The following SLC36A2 variants were observed in gnomAD, a reference collection of about 807,000 sequenced individuals.
The protein encoded by SLC36A2 is solute carrier family 36 member 2.
In SLC36A2, 39 loss-of-function variants were observed where a neutral mutation model predicts 42.7. The ratio of observed to expected loss-of-function variants is 0.91; its 90% CI spans 0.71 to 1.19. SLC36A2 has a LOEUF of 1.19. Ranked by LOEUF, SLC36A2 falls within the 50% of genes most tolerant of loss-of-function variation. The pLI is 0.00. For missense variants in SLC36A2, 590 were observed against 613.7 expected (o/e 0.96, Z 0.41); for synonymous variants, 237 against 240.8 (o/e 0.98, Z 0.15).
At chr5:151,319,830 G>A (rs1437144164) in intron 9 of SLC36A2, 4 of 152,448 alleles carry the variant, frequency 2.6e-5, no homozygotes, top group African/African-American at 9.7e-5. Flanking sequence ...CATTTTAGAT[G>A]CCCTCGAGGA....
intron 4 of SLC36A2, among the ~76,000 whole-genome samples, chr5:151,340,558 G>T (rs1271643314): frequency 1.3e-5 from 2 of 152,230 alleles, no homozygotes; most frequent in African/African-American, 4.8e-5. Flanking sequence ...AAACAAAAAA[G>T]CTTACAACAA....
intron 1 of SLC36A2, among the ~76,000 whole-genome samples, chr5:151,346,983 C>T (rs1227579683): frequency 6.6e-6 from 1 of 152,140 alleles, no homozygotes; most frequent in African/African-American, 2.4e-5. Flanking sequence ...TGGCCAGGAA[C>T]AAAAATGTGG....
chr5:151,324,243 A>T (rs986640412), intron 8 of SLC36A2, among the ~76,000 whole-genome samples: 5 of 152,096 alleles, frequency 3.3e-5, no homozygotes, highest in African/African-American at 1.2e-4. Flanking sequence ...CCCAGGTTCA[A>T]GTGATTCTCC....
At chr5:151,324,876 C>T (rs79212766) in intron 8 of SLC36A2, among the ~76,000 whole-genome samples, 7,410 of 152,144 alleles carry the variant, frequency 0.049, 590 homozygotes, top group African/African-American at 0.17. Context: ...TTTTGTTTTC[C>T]ACTTTTCTAT....
intron 9 of SLC36A2, among the ~76,000 whole-genome samples, chr5:151,321,447 GT>G (rs1466771874): frequency 4.6e-5 from 7 of 150,882 alleles, no homozygotes; most frequent in Non-Finnish European, 1.0e-4. Flanking sequence ...ACCTCTCAAA[GT>G]GCTGGGATCA....
At chr5:151,327,988 A>G (rs183597739) in intron 7 of SLC36A2, among the ~76,000 whole-genome samples, 221 of 152,376 alleles carry the variant, frequency 1.5e-3, no homozygotes, top group Non-Finnish European at 2.5e-3. Context: ...AATACTAAGA[A>G]TCACAAGCAC....
chr5:151,324,620 T>TC (rs1385872404), intron 8 of SLC36A2, among the ~76,000 whole-genome samples: 1 of 151,922 alleles, frequency 6.6e-6, no homozygotes, highest in East Asian at 1.9e-4. Flanking sequence ...GCATGAGCCA[T>TC]CACGCCTGGC....
At chr5:151,317,481 A>C (rs903426650) in intron 9 of SLC36A2, among the ~76,000 whole-genome samples, 9 of 151,932 alleles carry the variant, frequency 5.9e-5, no homozygotes, top group Non-Finnish European at 1.0e-4. Context: ...TCCTCTTCTT[A>C]AAAAATGAAC....
chr5:151,339,958 T>C (rs76386969), intron 4 of SLC36A2, among the ~76,000 whole-genome samples: 6,296 of 152,120 alleles, frequency 0.041, 445 homozygotes, highest in African/African-American at 0.14. Flanking sequence ...ATCTAAATTA[T>C]GGGCAGACAG....
At position 151,325,270 on chromosome 5, in the gene SLC36A2, C is replaced by A. The variant is rs1561652942; in HGVS notation, c.1010+16G>T. On this transcript the variant is annotated intron_variant, in intron 8 of 9. Coordinates refer to ENST00000335244, the MANE Select transcript of SLC36A2 (RefSeq NM_181776.3). ...CCATTCCTGAGTCCCCACCACCTGA[C>A]AGCCCATGAAGATACCAGCAGTTAG... 1.2e-6 allele frequency: 2 copies of A among 1,611,932 alleles called. No homozygotes were observed. The highest frequency in any genetic ancestry group is 1.1e-5 in the South Asian group (1 of 90,564).
Position 151,316,998 on chromosome 5 carries a change from G to C in SLC36A2, c.1271C>G (p.Pro424Arg), listed in dbSNP as rs370237268. 223 of 1,614,064 alleles carry C rather than the reference G, an allele frequency of 1.4e-4. 2 individuals carry two copies. The South Asian group carries it at 2.3e-3, about 17-fold the overall frequency. The change falls in exon 10 of 10, where the codon CCG becomes CGG. Residue 424 changes from proline (P) to arginine (R), a missense_variant. Transcript: ENST00000335244. ...SGTALALIIP[P>R]LLEVTTFYSE... Reference sequence around the variant, plus strand: ...GTAGAACGTGGTGACCTCCAGGAGCGGTGGGATGATGAGGGCCAGGGCGGT... The same window carrying C: ...GTAGAACGTGGTGACCTCCAGGAGCCGTGGGATGATGAGGGCCAGGGCGGT...
At chr5:151,324,619 A>G (rs1307314892) in intron 8 of SLC36A2, among the ~76,000 whole-genome samples, 1 of 152,108 alleles carries the variant, frequency 6.6e-6, no homozygotes, top group East Asian at 1.9e-4. Flanking sequence ...GGCATGAGCC[A>G]TCACGCCTGG....
rs180738072 is a variant in SLC36A2 at position 151,316,684 on chromosome 5, G to A, written c.*133C>T. ...GAACCCAGGAGGCCGAAGTTGTGGT[G>A]AGCTGAGATCGCATCATTGTACTCC... On this transcript the variant is annotated 3_prime_UTR_variant, in exon 10 of 10. Transcript: ENST00000335244. The A allele has an allele frequency of 2.8e-3, 3,189 of 1,156,712 alleles. 15 individuals are homozygous for A. Among genetic ancestry groups the A allele is most frequent in the Non-Finnish European group, 3.5e-3 (2,952 of 840,120 alleles). 71.7% of individuals were successfully genotyped at this position (1,156,712 alleles called of 1,614,324 possible).
intron 1 of SLC36A2, among the ~76,000 whole-genome samples, chr5:151,347,085 C>CT (rs1269848978): frequency 6.6e-6 from 1 of 152,196 alleles, no homozygotes; most frequent in Non-Finnish European, 1.5e-5. Context: ...CCACCTGTGC[C>CT]TTTTGGGATC....
chr5:151,336,222 A>C (rs1383481587), intron 5 of SLC36A2, among the ~76,000 whole-genome samples: 1 of 152,146 alleles, frequency 6.6e-6, no homozygotes, highest in Non-Finnish European at 1.5e-5. Flanking sequence ...CCTTTGACTC[A>C]AGCTGGGGCA....
chr5:151,320,932 A>C (rs1050852225), intron 9 of SLC36A2, among the ~76,000 whole-genome samples: 3 of 152,158 alleles, frequency 2.0e-5, no homozygotes, highest in Non-Finnish European at 2.9e-5. Context: ...GACTTACATG[A>C]CTTGAATTCA....
intron 5 of SLC36A2, among the ~76,000 whole-genome samples, chr5:151,336,994 T>C (rs1756177980): frequency 6.6e-6 from 1 of 152,216 alleles, no homozygotes; most frequent in South Asian, 2.1e-4. Context: ...TAGCATTCAC[T>C]CTTTTCTTTT....
At chr5:151,343,129 G>A in intron 3 of SLC36A2, 146 bp from the exon 4 acceptor site, 1 of 724,010 alleles carries the variant, frequency 1.4e-6, no homozygotes, top group Admixed American at 2.0e-5. Context: ...TTGACACTCA[G>A]CAGTAATTCC....
rs1483570301 is a variant in SLC36A2, at chr5:151,316,967, C to T, written c.1302G>A (p.Glu434=). Residue 434 remains glutamate (E), a synonymous_variant, in exon 10 of 10, where the codon GAG becomes GAA. Coordinates refer to ENST00000335244, the MANE Select transcript of SLC36A2 (RefSeq NM_181776.3). ...TGAAGATGGTGAGGGGGCTCATGCCCTCTGAGTAGAACGTGGTGACCTCCA... is the reference window on the plus strand; with the variant it reads ...TGAAGATGGTGAGGGGGCTCATGCCTTCTGAGTAGAACGTGGTGACCTCCA... ...PLLEVTTFYS[E]GMSPLTIFKD... 2 of 1,613,862 alleles carry T rather than the reference C, an allele frequency of 1.2e-6. No individual in the cohort carries two copies. Among genetic ancestry groups the T allele is most frequent in the Non-Finnish European group, 1.7e-6 (2 of 1,179,974 alleles).
Sources: gnomAD v4.1 joint callset for allele counts (sites outside exome capture counted in the v4.1 genomes callset) on GRCh38, gnomAD v4.1.1 for gene constraint, MANE v1.5 for transcripts, NCBI Gene and HGNC (gene_info 2026-07-23, HGNC 2026-07-21) for gene names.